Variants in ACCSL observed in about 807,000 individuals in gnomAD.
ACCSL encodes the protein 1-aminocyclopropane-1-carboxylate synthase homolog (inactive) like.
Under a neutral mutation model 61.7 loss-of-function variants are expected in ACCSL, and 55 were observed. The observed-to-expected ratio is 0.89, with a 90% CI of 0.72 to 1.12. ACCSL has a LOEUF of 1.12. Ranked by LOEUF, ACCSL falls within the 50% of genes most tolerant of loss-of-function variation. The pLI, the probability that ACCSL is intolerant of heterozygous loss-of-function variation, is 0.00. For missense variants in ACCSL, 632 were observed against 698.0 expected (o/e 0.91, Z 1.07); for synonymous variants, 258 against 264.3 (o/e 0.98, Z 0.23).
chr11:44,027,092 C>T, the ACCSL span, among the ~76,000 whole-genome samples: 1 of 152,280 alleles, frequency 6.6e-6, no homozygotes, highest in East Asian at 1.9e-4. Context: ...TGTTAGCTTA[C>T]TGGTCTTTTA....
At chr11:44,051,008 A>G (rs945146035) in intron 3 of ACCSL, among the ~76,000 whole-genome samples, 2 of 151,750 alleles carry the variant, frequency 1.3e-5, no homozygotes, top group African/African-American at 4.8e-5. Context: ...CGCCCAGCTA[A>G]TTTTTTGTAT....
the ACCSL span, among the ~76,000 whole-genome samples, chr11:43,984,834 C>T: frequency 4.6e-5 from 7 of 152,342 alleles, no homozygotes; most frequent in Admixed American, 2.6e-4. Flanking sequence ...GGTCTAGATG[C>T]GGAGAGCAGG....
chr11:43,983,835 G>T, the ACCSL span, among the ~76,000 whole-genome samples: 5 of 152,214 alleles, frequency 3.3e-5, no homozygotes, highest in South Asian at 8.3e-4. Flanking sequence ...AATCTGTCAG[G>T]CCGGGCGCTG....
chr11:43,954,308 T>A, the ACCSL span, among the ~76,000 whole-genome samples: 1 of 151,896 alleles, frequency 6.6e-6, no homozygotes, highest in African/African-American at 2.4e-5. Flanking sequence ...AGGAGTGAGG[T>A]TGAGAGCGGA....
chr11:43,952,983 T>C, the ACCSL span, among the ~76,000 whole-genome samples: 3 of 152,214 alleles, frequency 2.0e-5, no homozygotes, highest in Non-Finnish European at 4.4e-5. Flanking sequence ...TGCCTGTTGC[T>C]ATGCACAGTG....
At chr11:44,007,990 T>A in the ACCSL span, among the ~76,000 whole-genome samples, 1 of 152,066 alleles carries the variant, frequency 6.6e-6, no homozygotes, top group East Asian at 1.9e-4. Flanking sequence ...GGGTTCTTGC[T>A]TTAGACAGGG....
At chr11:43,921,337 C>A in the ACCSL span, among the ~76,000 whole-genome samples, 2 of 152,200 alleles carry the variant, frequency 1.3e-5, no homozygotes, top group Non-Finnish European at 2.9e-5. Flanking sequence ...TGGCTCCTGG[C>A]ATTGTAGTCC....
At chr11:43,950,309 C>T in the ACCSL span, among the ~76,000 whole-genome samples, 43 of 152,336 alleles carry the variant, frequency 2.8e-4, no homozygotes, top group South Asian at 7.7e-3. Flanking sequence ...GGCTGTGTCA[C>T]GGGCATGTCC....
chr11:44,007,834 C>G, the ACCSL span, among the ~76,000 whole-genome samples: 6 of 152,174 alleles, frequency 3.9e-5, no homozygotes, highest in African/African-American at 1.2e-4. Context: ...AGTAGGTGCT[C>G]TGTACATGCT....
the ACCSL span, among the ~76,000 whole-genome samples, chr11:43,989,046 C>T: frequency 1.3e-5 from 2 of 152,122 alleles, no homozygotes; most frequent in African/African-American, 4.8e-5. Context: ...ACTCGGTTTT[C>T]TTCACGGGGA....
chr11:43,959,944 A>G, the ACCSL span, among the ~76,000 whole-genome samples: 1 of 152,120 alleles, frequency 6.6e-6, no homozygotes, highest in African/African-American at 2.4e-5. Context: ...GCCCCAACCC[A>G]CAGGAGGCTT....
the ACCSL span, among the ~76,000 whole-genome samples, chr11:44,001,654 G>T: frequency 6.6e-6 from 1 of 151,784 alleles, no homozygotes; most frequent in Non-Finnish European, 1.5e-5. Context: ...CTGCCCACTC[G>T]CCTTCTGAGC....
chr11:43,991,466 G>T, the ACCSL span, among the ~76,000 whole-genome samples: 1 of 152,152 alleles, frequency 6.6e-6, no homozygotes, highest in Non-Finnish European at 1.5e-5. Context: ...GGGCTCAGGT[G>T]TGGCATTCAA....
At chr11:44,056,007 T>A (rs750348916) in intron 9 of ACCSL, 33 bp from the exon 10 acceptor site, 1 of 1,613,286 alleles carries the variant, frequency 6.2e-7, no homozygotes, top group South Asian at 1.1e-5. Flanking sequence ...TATTTCTCTA[T>A]AACCTTAGTT....
rs746936273 is a variant in ACCSL, at chr11:44,053,009, C to A, written c.889C>A (p.His297Asn). 1 of 1,614,138 alleles carries A rather than the reference C, an allele frequency of 6.2e-7. No homozygotes were observed. Among genetic ancestry groups the A allele is most frequent in the East Asian group, 2.2e-5 (1 of 44,892 alleles). Residue 297 changes from histidine (H) to asparagine (N), a missense_variant, in exon 7 of 14, where the codon CAT (histidine) becomes AAT (asparagine). By Grantham distance (68) the His-to-Asn change is moderately conservative. Transcript: ENST00000378832. ...CTTCCAGGTCACTGTTACAAACACC[C>A]ATCCTTTCCAGCTCACTGTGGACAA... ...LESEVTVTNT[H>N]PFQLTVDKLE... is the part of the protein sequence containing the mutation.
At chr11:44,031,178 T>C in the ACCSL span, among the ~76,000 whole-genome samples, 1 of 152,168 alleles carries the variant, frequency 6.6e-6, no homozygotes, top group African/African-American at 2.4e-5. Context: ...TTAGGAGGAT[T>C]CCATGAGATA....
At chr11:43,936,119 T>C in the ACCSL span, among the ~76,000 whole-genome samples, 2 of 152,156 alleles carry the variant, frequency 1.3e-5, no homozygotes, top group African/African-American at 4.8e-5. Context: ...GGTGTTGATA[T>C]CCGCCAAGGT....
chr11:43,975,400 A>G, the ACCSL span, among the ~76,000 whole-genome samples: 62 of 152,222 alleles, frequency 4.1e-4, no homozygotes, highest in Non-Finnish European at 8.4e-4. Context: ...TGACTTCCAG[A>G]TCTTTTGTTA....
chr11:43,976,970 G>A, the ACCSL span, among the ~76,000 whole-genome samples: 13 of 152,142 alleles, frequency 8.5e-5, no homozygotes, highest in Non-Finnish European at 1.9e-4. Flanking sequence ...TAATCGGTGG[G>A]CCAGATCCTT....
Sources: gnomAD v4.1 joint callset for allele counts (sites outside exome capture counted in the v4.1 genomes callset) on GRCh38, gnomAD v4.1.1 for gene constraint, MANE v1.5 for transcripts, NCBI Gene and HGNC (gene_info 2026-07-23, HGNC 2026-07-21) for gene names.